NXT2: variants seen among roughly 807,000 people sequenced by gnomAD.
NXT2 encodes NTF2-related export protein 2.
In NXT2, 1 loss-of-function variant was observed where a neutral mutation model predicts 9.6. The ratio of observed to expected loss-of-function variants is 0.10; its 90% CI spans 0.04 to 0.49. The LOEUF (loss-of-function observed/expected upper bound fraction) is 0.49. NXT2 is among the 20% of genes least tolerant of loss of function. The pLI, the probability that NXT2 is intolerant of heterozygous loss-of-function variation, is 0.95. For missense variants in NXT2, 48 were observed against 100.3 expected, an observed-to-expected ratio of 0.48 and a Z score of 2.23; for synonymous variants, 22 against 35.4, an observed-to-expected ratio of 0.62 and a Z score of 1.34.
In NXT2 at chrX:109,536,980, C is replaced by T; in HGVS notation, c.-27C>T. On this transcript the variant is annotated 5_prime_UTR_variant, in exon 1 of 4. Coordinates refer to ENST00000372106, the MANE Select transcript of NXT2 (RefSeq NM_001242617.2). The stretch of plus-strand genomic sequence containing the variant: ...TGAGGAGGTAGTGACGCCGACACTG[C>T]CAGAACACACTGCTACAAGGTCCCA... The T allele has an allele frequency of 8.3e-7, 1 of 1,211,739 alleles. No homozygotes were observed. Among genetic ancestry groups the T allele is most frequent in the African/African-American group, 1.7e-5 (1 of 57,846 alleles).
In NXT2 at chrX:109,540,515, A is replaced by G. The variant is rs374984947; in HGVS notation, c.103-960A>G. Among the ~76,000 whole-genome samples, 3 of 109,492 alleles carry G rather than the reference A, an allele frequency of 2.7e-5. No individual in the cohort carries two copies. The East Asian group carries it at 8.7e-4, about 32-fold the overall frequency. On this transcript the variant is annotated intron_variant, in intron 2 of 3. Transcript: ENST00000372106. ...GCTAATTTTTGTAGTTTTAGTAGAG[A>G]TGGGGTTTCACCATCTTGACCAGGC...
At position 109,538,682 on chromosome X, in the gene NXT2, T is replaced by C. The variant is rs987226593; in HGVS notation, c.102+551T>C. Among the ~76,000 whole-genome samples the C allele has an allele frequency of 3.6e-5, 4 of 111,069 alleles. No individual in the cohort carries two copies. In the Admixed American group the frequency reaches 3.8e-4, roughly 11 times the overall value. ...AACAGACCGAGATTTCATCAGCTTT[T>C]TCATTGCAACTTATCCCTGCACCAT... is the stretch of plus-strand genomic sequence containing the variant. On this transcript the variant is annotated intron_variant, in intron 2 of 3. Transcript: ENST00000372106.
intron 1 of NXT2, 132 bp downstream of exon 1, chrX:109,537,153 G>A (rs1380178635): frequency 4.7e-6 from 5 of 1,073,589 alleles, no homozygotes; most frequent in Non-Finnish European, 6.1e-6. Context: ...GCACTGCGGG[G>A]CGGGGCCCAC....
At chrX:109,541,769 A>T in intron 3 of NXT2, 150 bp downstream of exon 3, 1 of 404,761 alleles carries the variant, frequency 2.5e-6, no homozygotes, top group Non-Finnish European at 4.0e-6. Flanking sequence ...TGTCCAGTCA[A>T]ACTTTGGTCT....
chrX:109,538,936 A>G (rs925025231), intron 2 of NXT2, among the ~76,000 whole-genome samples: 31 of 111,391 alleles, frequency 2.8e-4, no homozygotes, highest in Non-Finnish European at 4.0e-4. Context: ...GGTTTGTTAC[A>G]TAGGTATACA....
chrX:109,541,542 A>T lies in NXT2; in HGVS notation c.170A>T (p.Asp57Val). Residue 57 changes from aspartate (D) to valine (V), a missense_variant, in exon 3 of 4, where the codon GAT becomes GTT. Coordinates refer to ENST00000372106, the MANE Select transcript of NXT2 (RefSeq NM_001242617.2). ...IWNGNAVSGL[D>V]ALNNFFDTLP... is the part of the protein sequence containing the mutation. Reference sequence around the variant, plus strand: ...AATGGAAATGCTGTTTCAGGGCTGGATGCCCTAAATAATTTTTTTGACACA... The same window carrying T: ...AATGGAAATGCTGTTTCAGGGCTGGTTGCCCTAAATAATTTTTTTGACACA... 1 of 1,204,272 alleles carries T rather than the reference A, an allele frequency of 8.3e-7. No individual in the cohort carries two copies. Among genetic ancestry groups the T allele is most frequent in the Non-Finnish European group, 1.1e-6 (1 of 889,180 alleles).
chrX:109,536,054 G>A (rs775330593), upstream of NXT2: 5 of 745,128 alleles, frequency 6.7e-6, no homozygotes, highest in African/African-American at 1.1e-4. Context: ...GGTTTTTAAG[G>A]GGTGTTGGGG....
At chrX:109,538,804 C>A (rs913338017) in intron 2 of NXT2, among the ~76,000 whole-genome samples, 1 of 111,377 alleles carries the variant, frequency 9.0e-6, no homozygotes, top group African/African-American at 3.3e-5. Context: ...TTCTGTCCTG[C>A]AGCTGCAAAA....
intron 1 of NXT2, among the ~76,000 whole-genome samples, chrX:109,537,842 C>T (rs1017223162): frequency 8.9e-6 from 1 of 112,194 alleles, no homozygotes; most frequent in Non-Finnish European, 1.9e-5. Context: ...GTCCTAAAGA[C>T]ATGCACTTAA....
chrX:109,536,197 TATA>T (rs201588928), upstream of NXT2, among the ~76,000 whole-genome samples: 1,224 of 111,120 alleles, frequency 0.011, 8 homozygotes, highest in Non-Finnish European at 0.014. Flanking sequence ...TCAGCATTGT[TATA>T]ATAAGTGAAT....
At position 109,542,925 on chromosome X, in the gene NXT2, A is replaced by T. The variant is rs1003600784; in HGVS notation, c.*237A>T. ...CCACTAATGACATTCTTATAATAAT[A>T]TTAAACACATGATCTTGGTACTAAC... is the stretch of plus-strand genomic sequence containing the variant. On this transcript the variant is annotated 3_prime_UTR_variant, in exon 4 of 4. Coordinates refer to ENST00000372106, the MANE Select transcript of NXT2 (RefSeq NM_001242617.2). 11 of 237,609 alleles carry T rather than the reference A, an allele frequency of 4.6e-5. No individual in the cohort carries two copies. Among genetic ancestry groups the T allele is most frequent in the African/African-American group, 2.0e-4 (7 of 35,127 alleles). 19.6% of individuals were successfully genotyped at this position (237,609 alleles called of 1,213,427 possible).
At chrX:109,536,100 G>A, upstream of NXT2, 1 of 484,150 alleles carries the variant, frequency 2.1e-6, no homozygotes, top group South Asian at 3.8e-5. Context: ...TATATTGCTT[G>A]AGTTTGAATC....
At chrX:109,536,205 G>A (rs1933270318), upstream of NXT2, among the ~76,000 whole-genome samples, 1 of 111,786 alleles carries the variant, frequency 8.9e-6, no homozygotes, top group Non-Finnish European at 1.9e-5. Flanking sequence ...GTTATAATAA[G>A]TGAATATATG....
chrX:109,536,973 G>A lies in NXT2; in HGVS notation c.-34G>A, dbSNP rs758302732. 1.1e-5 allele frequency: 13 copies of A among 1,211,622 alleles called. No homozygotes were observed. The Admixed American group carries it at 2.4e-4, about 22-fold the overall frequency. On this transcript the variant is annotated 5_prime_UTR_variant, in exon 1 of 4. Transcript: ENST00000372106. The stretch of plus-strand genomic sequence containing the variant: ...GGACACGTGAGGAGGTAGTGACGCC[G>A]ACACTGCCAGAACACACTGCTACAA...
In NXT2 at chrX:109,543,859, GA is replaced by G. The variant is rs1222615506; in HGVS notation, c.*1172del. On this transcript the variant is annotated 3_prime_UTR_variant, in exon 4 of 4. Transcript: ENST00000372106. The stretch of plus-strand genomic sequence containing the variant: ...TGTATCACACATCCCCCAAATAAGT[GA>G]TTTTTTCCCAGTGCTTTGTACTGTC... 1 of 111,672 alleles carries G rather than the reference GA, an allele frequency of 9.0e-6. No homozygotes were observed. The highest frequency in any genetic ancestry group is 1.9e-5 in the Non-Finnish European group (1 of 52,939). 9.2% of individuals were successfully genotyped at this position (111,672 alleles called of 1,213,427 possible).
At chrX:109,541,389 C>A (rs1054910354) in intron 2 of NXT2, 86 bp from the exon 3 acceptor site, 3 of 845,726 alleles carry the variant, frequency 3.5e-6, no homozygotes, top group Non-Finnish European at 3.3e-6. Context: ...GTTTATATAC[C>A]ATCTGTAATA....
chrX:109,541,412 T>G (rs1933416058), intron 2 of NXT2, 63 bp from the exon 3 acceptor site: 2 of 1,005,733 alleles, frequency 2.0e-6, no homozygotes, highest in Admixed American at 2.7e-5. Flanking sequence ...TTAATCCATT[T>G]CTATAAAATG....
At chrX:109,537,111 T>G (rs1246753010) in intron 1 of NXT2, 90 bp downstream of exon 1, 3 of 1,128,491 alleles carry the variant, frequency 2.7e-6, no homozygotes, top group East Asian at 3.4e-5. Context: ...GCTGCTCACG[T>G]GGATAGGTGA....
intron 2 of NXT2, among the ~76,000 whole-genome samples, chrX:109,539,372 A>C (rs1167917028): frequency 1.8e-5 from 2 of 112,215 alleles, no homozygotes; most frequent in Non-Finnish European, 3.8e-5. Context: ...CATTTATAAT[A>C]CTTTGGGTAT....
Sources: allele counts gnomAD v4.1 joint callset (sites outside exome capture counted in the v4.1 genomes callset), GRCh38; gene constraint gnomAD v4.1.1; transcripts MANE v1.5; gene names NCBI Gene and HGNC (gene_info 2026-07-23, HGNC 2026-07-21).